ALK: variants seen among roughly 807,000 people sequenced by gnomAD.
ALK encodes ALK receptor tyrosine kinase, also known as ALK tyrosine kinase receptor.
Under a neutral mutation model 163.1 loss-of-function variants are expected in ALK, and 74 were observed. The observed-to-expected ratio is 0.45, with a 90% CI of 0.38 to 0.55. ALK has a LOEUF of 0.55. Among genes scored for constraint, ALK ranks in the 20% least tolerant of loss-of-function variants. The pLI, the probability that ALK is intolerant of heterozygous loss-of-function variation, is 0.00. For synonymous variants in ALK, 960 were observed against 843.2 expected (o/e 1.14, Z -2.40); for missense variants, 2,063 against 2,105.3 (o/e 0.98, Z 0.39).
chr2:29,708,914 T>C (rs192428951), intron 2 of ALK, among the ~76,000 whole-genome samples: 1 of 152,338 alleles, frequency 6.6e-6, no homozygotes, highest in Non-Finnish European at 1.5e-5. Flanking sequence ...TCTACCCAAA[T>C]GGGCTGGTTC....
chr2:29,550,908 C>T (rs544765101), intron 3 of ALK, among the ~76,000 whole-genome samples: 2 of 152,032 alleles, frequency 1.3e-5, no homozygotes, highest in African/African-American at 2.4e-5. Flanking sequence ...TCGTAAGCAT[C>T]CTCTATGTTT....
At chr2:29,257,648 C>G (rs112390292) in intron 11 of ALK, among the ~76,000 whole-genome samples, 1 of 152,144 alleles carries the variant, frequency 6.6e-6, no homozygotes. Context: ...GTGTATTGTA[C>G]CACGGAAGAG....
At position 29,324,169 on chromosome 2, in the gene ALK, G is replaced by A. The variant is rs1007799670; in HGVS notation, c.1415-3287C>T. ...CGCTGTGGGTAGGTCAATCAATCCT[G>A]CAACATTTGGCAATTATGACACCTG... On this transcript the variant is annotated intron_variant, in intron 6 of 28. Transcript: ENST00000389048. Among the ~76,000 whole-genome samples the A allele has an allele frequency of 4.6e-5, 7 of 152,166 alleles. No individual in the cohort carries two copies. In the South Asian group the frequency reaches 8.3e-4, roughly 18 times the overall value.
intron 4 of ALK, among the ~76,000 whole-genome samples, chr2:29,454,461 A>C (rs1393283451): frequency 6.6e-6 from 1 of 151,862 alleles, no homozygotes; most frequent in African/African-American, 2.4e-5. Context: ...GTTACTTTTT[A>C]TTTTTTTCCT....
At chr2:29,586,241 AT>A (rs57331403) in intron 3 of ALK, among the ~76,000 whole-genome samples, 38,863 of 145,626 alleles carry the variant, frequency 0.27, 5,500 homozygotes, top group East Asian at 0.32. Context: ...GGATATTAAC[AT>A]TTTTTTTTTT....
chr2:29,689,144 TC>T (rs111541381), intron 3 of ALK, among the ~76,000 whole-genome samples: 12,514 of 152,076 alleles, frequency 0.082, 1,608 homozygotes, highest in African/African-American at 0.28. Flanking sequence ...GTGTCAGAGG[TC>T]CCCATCAATC....
chr2:29,455,315 C>A (rs1033970821), intron 4 of ALK, among the ~76,000 whole-genome samples: 2 of 152,074 alleles, frequency 1.3e-5, no homozygotes, highest in African/African-American at 4.8e-5. Context: ...CTTTTCTGAG[C>A]CTTAGCTGTG....
intron 19 of ALK, chr2:29,223,792 G>A (rs912856699): frequency 1.9e-6 from 1 of 525,964 alleles, no homozygotes; most frequent in Non-Finnish European, 3.4e-6. Flanking sequence ...ATGTTAGTCT[G>A]GTTCCTCCAA....
At chr2:29,858,864 C>T (rs1666212226) in intron 1 of ALK, among the ~76,000 whole-genome samples, 1 of 151,816 alleles carries the variant, frequency 6.6e-6, no homozygotes, top group South Asian at 2.1e-4. Flanking sequence ...CATGGTGAAA[C>T]CTGGTATCTA....
chr2:29,378,402 T>C (rs1172425152), intron 5 of ALK, among the ~76,000 whole-genome samples: 3 of 152,160 alleles, frequency 2.0e-5, no homozygotes, highest in African/African-American at 7.2e-5. Flanking sequence ...AGATCTTCTG[T>C]GCAAACTGCA....
chr2:29,916,965 G>A (rs553369342), intron 1 of ALK, among the ~76,000 whole-genome samples: 1 of 152,258 alleles, frequency 6.6e-6, no homozygotes, highest in African/African-American at 2.4e-5. Flanking sequence ...CCTCAGACTT[G>A]AAATGCCGAT....
At chr2:29,346,238 T>C (rs1284016968) in intron 5 of ALK, among the ~76,000 whole-genome samples, 1 of 152,194 alleles carries the variant, frequency 6.6e-6, no homozygotes, top group Non-Finnish European at 1.5e-5. Context: ...ATCTCATTAG[T>C]TTCTCTCAAT....
At position 29,399,930 on chromosome 2, in the gene ALK, T is replaced by C. The variant is rs530215892; in HGVS notation, c.1155-16071A>G. Among the ~76,000 whole-genome samples the C allele has an allele frequency of 2.5e-4, 38 of 152,276 alleles. No homozygotes were observed. The South Asian group carries it at 7.5e-3, about 30-fold the overall frequency. On this transcript the variant is annotated intron_variant, in intron 4 of 28. Transcript: ENST00000389048. ...AGGAAATAAAAGCCCATTTTTTCGA[T>C]AGGAAAAGACACAGACACTAGGATC...
intron 5 of ALK, among the ~76,000 whole-genome samples, chr2:29,376,680 C>G (rs1668760937): frequency 6.6e-6 from 1 of 152,204 alleles, no homozygotes; most frequent in Admixed American, 6.5e-5. Context: ...GACTGAGGAT[C>G]CTGCTGAGGC....
In ALK at chr2:29,834,358, G is replaced by A. The variant is rs1346182686; in HGVS notation, c.667+85635C>T. On this transcript the variant is annotated intron_variant, in intron 1 of 28. Transcript: ENST00000389048. ...GGGCTTGACACAATGCCAAGTAGCAGTAGCCAGTCTCATCAATTTTCTCAA... is the reference window on the plus strand; with the variant it reads ...GGGCTTGACACAATGCCAAGTAGCAATAGCCAGTCTCATCAATTTTCTCAA... 5.9e-5 allele frequency among the ~76,000 whole-genome samples: 9 copies of A among 152,324 alleles called. No homozygotes were observed. In the South Asian group the frequency reaches 8.3e-4, roughly 14 times the overall value.
chr2:29,379,823 T>C (rs1458610017), intron 5 of ALK, among the ~76,000 whole-genome samples: 1 of 152,154 alleles, frequency 6.6e-6, no homozygotes, highest in Non-Finnish European at 1.5e-5. Flanking sequence ...ATAGAAAGAA[T>C]AAGACACACA....
chr2:29,203,609 C>A (rs2148148894), intron 26 of ALK, among the ~76,000 whole-genome samples: 1 of 148,816 alleles, frequency 6.7e-6, no homozygotes, highest in East Asian at 2.0e-4. Flanking sequence ...GCCTCATCCT[C>A]CCAAGTAGCT....
chr2:29,381,773 C>T (rs560799679), intron 5 of ALK, among the ~76,000 whole-genome samples: 2 of 152,256 alleles, frequency 1.3e-5, no homozygotes, highest in Admixed American at 6.5e-5. Flanking sequence ...TTGCCTACAT[C>T]GAATAGACAT....
intron 3 of ALK, among the ~76,000 whole-genome samples, chr2:29,608,254 TTA>T (rs1378501283): frequency 6.6e-6 from 1 of 152,222 alleles, no homozygotes; most frequent in African/African-American, 2.4e-5. Flanking sequence ...CTACATCTGC[TTA>T]TATTTGTTAG....
Sources: allele counts gnomAD v4.1 joint callset (sites outside exome capture counted in the v4.1 genomes callset), GRCh38; gene constraint gnomAD v4.1.1; transcripts MANE v1.5; gene names NCBI Gene and HGNC (gene_info 2026-07-23, HGNC 2026-07-21).